GRID2: variants seen among roughly 807,000 people sequenced by gnomAD.
GRID2 encodes glutamate ionotropic receptor delta type subunit 2, also known as glutamate receptor ionotropic, delta-2.
GRID2 carries 33 observed loss-of-function variants against 114.8 expected under a neutral mutation model. The ratio of observed to expected loss-of-function variants is 0.29; its 90% confidence interval spans 0.22 to 0.38. The LOEUF (loss-of-function observed/expected upper bound fraction) is 0.38, where lower values mean the gene tolerates loss of function less well. Among genes scored for constraint, GRID2 ranks in the 10% least tolerant of loss-of-function variants. The pLI, the probability that GRID2 is intolerant of heterozygous loss-of-function variation, is 1.00. For synonymous variants in GRID2, 505 were observed against 449.9 expected (o/e 1.12, Z -1.55); for missense variants, 1,184 against 1,257.7 (o/e 0.94, Z 0.89).
chr4:93,809,747 A>G (rs975610537), exon 2 of GRID2: 6 of 152,220 alleles, frequency 3.9e-5, no homozygotes, highest in Non-Finnish European at 5.9e-5. Context: ...GACTTCACAC[A>G]CCAATTCAGT....
In GRID2 at chr4:92,589,705, G is replaced by A. The variant is rs115274557; in HGVS notation, c.89-426G>A. Among the ~76,000 whole-genome samples the A allele has an allele frequency of 3.8e-3, 583 of 152,190 alleles. 1 individual carries two copies. Among genetic ancestry groups the A allele is most frequent in the African/African-American group, 0.013 (541 of 41,522 alleles). On this transcript the variant is annotated intron_variant, in intron 1 of 15. Coordinates refer to ENST00000282020, the MANE Select transcript of GRID2 (RefSeq NM_001510.4). ...AGGAAATGAAAAATAAATTAAGATC[G>A]CAAGAAAGGTTTGATTCCTATATAT...
At chr4:93,473,938 T>G (rs1004103165) in intron 11 of GRID2, among the ~76,000 whole-genome samples, 4 of 151,956 alleles carry the variant, frequency 2.6e-5, no homozygotes, top group South Asian at 2.1e-4. Context: ...AGAAGTAGGG[T>G]GAATGAATGC....
At chr4:92,466,527 C>T (rs1036580423) in intron 1 of GRID2, among the ~76,000 whole-genome samples, 2 of 151,782 alleles carry the variant, frequency 1.3e-5, no homozygotes, top group Non-Finnish European at 2.9e-5. Flanking sequence ...TACATACATA[C>T]ACCTACTATG....
At chr4:92,523,984 G>T (rs1345897481) in intron 1 of GRID2, among the ~76,000 whole-genome samples, 2 of 152,068 alleles carry the variant, frequency 1.3e-5, no homozygotes, top group Non-Finnish European at 1.5e-5. Flanking sequence ...TAGAAGGTAA[G>T]ATGTGCTTAA....
intron 14 of GRID2, among the ~76,000 whole-genome samples, chr4:93,657,697 GAACTCA>G (rs1723141726): frequency 6.6e-6 from 1 of 151,834 alleles, no homozygotes; most frequent in South Asian, 2.1e-4. Context: ...CAACTTCAAA[GAACTCA>G]AACTCAAACC....
chr4:93,374,613 TC>T (rs974484475), intron 8 of GRID2, among the ~76,000 whole-genome samples: 2 of 151,932 alleles, frequency 1.3e-5, no homozygotes, highest in Non-Finnish European at 2.9e-5. Context: ...TCAGTTGAAA[TC>T]CCCCCCATAG....
intron 1 of GRID2, among the ~76,000 whole-genome samples, chr4:92,305,203 C>A (rs778103922): frequency 1.3e-5 from 2 of 152,118 alleles, no homozygotes; most frequent in South Asian, 4.1e-4. Flanking sequence ...CCCTTCGGAT[C>A]GAACAGGTGG....
chr4:93,061,196 GT>G (rs752045329), intron 2 of GRID2, among the ~76,000 whole-genome samples: 3,326 of 112,670 alleles, frequency 0.03, 86 homozygotes, highest in East Asian at 0.077. Context: ...GGTTTTTCTT[GT>G]TTTTTTTTTT....
intron 4 of GRID2, among the ~76,000 whole-genome samples, chr4:93,128,051 A>C (rs867018525): frequency 2.3e-5 from 3 of 130,572 alleles, no homozygotes; most frequent in Non-Finnish European, 4.7e-5. Flanking sequence ...AAAAAAAAAA[A>C]AAAAAAAACA....
At chr4:92,745,616 G>A (rs1325351324) in intron 2 of GRID2, among the ~76,000 whole-genome samples, 1 of 152,004 alleles carries the variant, frequency 6.6e-6, no homozygotes, top group African/African-American at 2.4e-5. Flanking sequence ...GAAACAACTA[G>A]ATATTTAAAT....
At position 92,850,618 on chromosome 4, in the gene GRID2, C is replaced by T. The variant is rs1056079885; in HGVS notation, c.245-234377C>T. 2.0e-5 allele frequency among the ~76,000 whole-genome samples: 3 copies of T among 151,806 alleles called. No individual in the cohort carries two copies. In the Admixed American group the frequency reaches 2.0e-4, roughly 10 times the overall value. On this transcript the variant is annotated intron_variant, in intron 2 of 15. Coordinates refer to ENST00000282020, the MANE Select transcript of GRID2 (RefSeq NM_001510.4). Reference sequence around the variant, plus strand: ...ACCCATATATTTTAGTATTTTTCCTCCTAAGGAGCTAGCCACTTTTAAGAA... The same window carrying T: ...ACCCATATATTTTAGTATTTTTCCTTCTAAGGAGCTAGCCACTTTTAAGAA...
intron 2 of GRID2, among the ~76,000 whole-genome samples, chr4:92,733,788 AACTGGTGTGATT>A (rs1011273876): frequency 1.2e-4 from 19 of 152,058 alleles, no homozygotes; most frequent in African/African-American, 4.3e-4. Flanking sequence ...GTCCCTTTAA[AACTGGTGTGATT>A]ACTGGTGTAG....
intron 2 of GRID2, among the ~76,000 whole-genome samples, chr4:92,943,303 A>G (rs1463763959): frequency 5.3e-5 from 8 of 151,782 alleles, no homozygotes; most frequent in Non-Finnish European, 8.8e-5. Context: ...TTCTCTTCTC[A>G]CTTCATTTCA....
At chr4:92,308,704 A>G (rs1877599) in intron 1 of GRID2, among the ~76,000 whole-genome samples, 3,948 of 152,214 alleles carry the variant, frequency 0.026, 172 homozygotes, top group African/African-American at 0.091. Context: ...TACAGCATAT[A>G]AAAGCATTCC....
At chr4:92,868,100 C>CTT in intron 2 of GRID2, among the ~76,000 whole-genome samples, 1 of 146,568 alleles carries the variant, frequency 6.8e-6, no homozygotes, top group Non-Finnish European at 1.5e-5. Context: ...TTCTTTCTTT[C>CTT]TCTTTCTTTC....
At chr4:92,820,172 G>T (rs1343534354) in intron 2 of GRID2, among the ~76,000 whole-genome samples, 1 of 152,106 alleles carries the variant, frequency 6.6e-6, no homozygotes, top group Non-Finnish European at 1.5e-5. Context: ...AAGTTTATTG[G>T]TTTTTAGGGG....
At chr4:92,418,575 A>G (rs1367193042) in intron 1 of GRID2, among the ~76,000 whole-genome samples, 1 of 152,128 alleles carries the variant, frequency 6.6e-6, no homozygotes, top group South Asian at 2.1e-4. Flanking sequence ...GAGGCAGATC[A>G]GAGATTTAAA....
At chr4:92,349,123 T>C (rs2110179121) in intron 1 of GRID2, among the ~76,000 whole-genome samples, 1 of 152,178 alleles carries the variant, frequency 6.6e-6, no homozygotes, top group East Asian at 1.9e-4. Context: ...GTTATTATTC[T>C]TGGCTTTTTA....
chr4:93,013,935 T>C (rs955503066), intron 2 of GRID2, among the ~76,000 whole-genome samples: 3 of 152,050 alleles, frequency 2.0e-5, no homozygotes, highest in South Asian at 2.1e-4. Flanking sequence ...TGATAAAATA[T>C]TGAATAATAT....
Sources: gnomAD v4.1 joint callset for allele counts (sites outside exome capture counted in the v4.1 genomes callset) on GRCh38, gnomAD v4.1.1 for gene constraint, MANE v1.5 for transcripts, NCBI Gene and HGNC (gene_info 2026-07-23, HGNC 2026-07-21) for gene names.